ARHGAP28: variants seen among roughly 807,000 people sequenced by gnomAD.
The protein encoded by ARHGAP28 is Rho GTPase activating protein 28, also known as rho GTPase-activating protein 28.
In ARHGAP28, 56 loss-of-function variants were observed where a neutral mutation model predicts 90.7. That is an observed-to-expected ratio of 0.62 (90% CI 0.50 to 0.77). ARHGAP28 has a LOEUF of 0.77. ARHGAP28 is among the 30% of genes least tolerant of loss of function. The probability of loss-of-function intolerance (pLI) is 0.00; values close to 1 mark genes in which losing one functional copy is unlikely to be tolerated. For synonymous variants in ARHGAP28, 308 were observed against 323.3 expected, an observed-to-expected ratio of 0.95 and a Z score of 0.51; for missense variants, 869 against 900.9, an observed-to-expected ratio of 0.96 and a Z score of 0.45.
At chr18:6,743,220 G>A (rs1228305965) in intron 1 of ARHGAP28, among the ~76,000 whole-genome samples, 1 of 152,164 alleles carries the variant, frequency 6.6e-6, no homozygotes, top group Non-Finnish European at 1.5e-5. Flanking sequence ...TTAAAATGCA[G>A]AACTTAAAAA....
chr18:6,743,834 A>G (rs1019350458), intron 1 of ARHGAP28, among the ~76,000 whole-genome samples: 32 of 152,364 alleles, frequency 2.1e-4, no homozygotes, highest in Non-Finnish European at 4.4e-5. Context: ...TCTCTATGCC[A>G]TATGTGATAT....
chr18:6,883,292 T>A (rs1422969799), intron 11 of ARHGAP28, among the ~76,000 whole-genome samples: 1 of 151,304 alleles, frequency 6.6e-6, no homozygotes, highest in Non-Finnish European at 1.5e-5. Flanking sequence ...AGGCTGGAGT[T>A]CAGTGATGCG....
At chr18:6,775,156 A>AT (rs1221281463) in intron 1 of ARHGAP28, among the ~76,000 whole-genome samples, 1 of 152,068 alleles carries the variant, frequency 6.6e-6, no homozygotes, top group African/African-American at 2.4e-5. Context: ...TTTGTCTTCT[A>AT]TTTCATTTTT....
At chr18:6,829,687 C>T (rs2056700496) in intron 2 of ARHGAP28, among the ~76,000 whole-genome samples, 1 of 152,178 alleles carries the variant, frequency 6.6e-6, no homozygotes, top group African/African-American at 2.4e-5. Flanking sequence ...CAACCCTGGC[C>T]AGAGACAACC....
At chr18:6,801,224 G>T (rs919648845) in intron 1 of ARHGAP28, among the ~76,000 whole-genome samples, 1 of 151,988 alleles carries the variant, frequency 6.6e-6, no homozygotes, top group Admixed American at 6.6e-5. Flanking sequence ...AATTTTTTTT[G>T]CATGTGAATT....
intron 1 of ARHGAP28, among the ~76,000 whole-genome samples, chr18:6,782,865 G>A (rs535891335): frequency 4.6e-4 from 70 of 151,736 alleles, no homozygotes; most frequent in African/African-American, 1.6e-3. Flanking sequence ...CTGGCTATTT[G>A]GTCTTGGTGC....
intron 1 of ARHGAP28, among the ~76,000 whole-genome samples, chr18:6,819,760 C>T (rs950294497): frequency 2.0e-5 from 3 of 152,162 alleles, no homozygotes; most frequent in Admixed American, 6.5e-5. Context: ...TATCTCAAAA[C>T]GCTTTTAGCA....
In ARHGAP28 at chr18:6,745,725, G is replaced by C. The variant is rs529039906; in HGVS notation, c.122+15782G>C. Among the ~76,000 whole-genome samples the C allele has an allele frequency of 5.9e-5, 9 of 152,298 alleles. No individual in the cohort carries two copies. The South Asian group carries it at 1.2e-3, about 21-fold the overall frequency. Reference sequence around the variant, plus strand: ...GAAGCCATCACAGCATGTATGATTTGTGTCTGGCTCCTTCGCTCATCATAA... The same window carrying C: ...GAAGCCATCACAGCATGTATGATTTCTGTCTGGCTCCTTCGCTCATCATAA... On this transcript the variant is annotated intron_variant, in intron 1 of 17. Coordinates refer to ENST00000383472, the MANE Select transcript of ARHGAP28 (RefSeq NM_001366230.1).
At chr18:6,856,197 A>C (rs2056952183) in intron 4 of ARHGAP28, among the ~76,000 whole-genome samples, 1 of 152,144 alleles carries the variant, frequency 6.6e-6, no homozygotes, top group Admixed American at 6.5e-5. Flanking sequence ...AGTTTTCTTC[A>C]ACTTTATGCT....
At chr18:6,881,924 C>T (rs2057180990) in intron 10 of ARHGAP28, among the ~76,000 whole-genome samples, 1 of 152,086 alleles carries the variant, frequency 6.6e-6, no homozygotes, top group Admixed American at 6.5e-5. Context: ...TCAAGATCAA[C>T]ATTATTTTTT....
intron 1 of ARHGAP28, among the ~76,000 whole-genome samples, chr18:6,756,848 G>C (rs1435869601): frequency 6.6e-6 from 1 of 152,172 alleles, no homozygotes; most frequent in Non-Finnish European, 1.5e-5. Context: ...CAGCATGGGA[G>C]AAAGATGAAG....
intron 1 of ARHGAP28, among the ~76,000 whole-genome samples, chr18:6,766,444 G>T (rs937368616): frequency 4.6e-5 from 7 of 152,104 alleles, no homozygotes; most frequent in African/African-American, 1.4e-4. Context: ...GGAATACTTA[G>T]CCCACAGCCT....
chr18:6,885,456 G>A (rs1186552775), intron 11 of ARHGAP28, among the ~76,000 whole-genome samples: 2 of 152,062 alleles, frequency 1.3e-5, no homozygotes, highest in South Asian at 2.1e-4. Flanking sequence ...CACTAATGTC[G>A]TTACTTTCTC....
chr18:6,732,859 C>A (rs1016908081), intron 1 of ARHGAP28, among the ~76,000 whole-genome samples: 1 of 152,060 alleles, frequency 6.6e-6, no homozygotes, highest in African/African-American at 2.4e-5. Flanking sequence ...TAGCTGTATC[C>A]CTACGGTTAT....
chr18:6,758,495 C>T (rs9951048), intron 1 of ARHGAP28, among the ~76,000 whole-genome samples: 60,643 of 152,016 alleles, frequency 0.4, 13,009 homozygotes, highest in Middle Eastern at 0.48. Context: ...GGCTAATTTT[C>T]GTAATTTTAG....
intron 1 of ARHGAP28, among the ~76,000 whole-genome samples, chr18:6,777,887 AAC>A (rs1254555706): frequency 6.6e-6 from 1 of 152,108 alleles, no homozygotes. Flanking sequence ...AACACCCAAG[AAC>A]ACCATTGGTT....
intron 1 of ARHGAP28, among the ~76,000 whole-genome samples, chr18:6,792,575 C>G (rs2056414118): frequency 6.6e-6 from 1 of 152,190 alleles, no homozygotes; most frequent in African/African-American, 2.4e-5. Context: ...AGAAAACGCT[C>G]CCACAGCATT....
chr18:6,760,346 C>T (rs2056149161), intron 1 of ARHGAP28, among the ~76,000 whole-genome samples: 1 of 152,034 alleles, frequency 6.6e-6, no homozygotes, highest in African/African-American at 2.4e-5. Context: ...TCCTACAAAC[C>T]AGACTACAAT....
At chr18:6,849,453 G>A (rs143804194) in intron 3 of ARHGAP28, among the ~76,000 whole-genome samples, 104 of 152,202 alleles carry the variant, frequency 6.8e-4, no homozygotes, top group African/African-American at 2.4e-3. Flanking sequence ...AAATGACTAC[G>A]TAGAACAGTA....
Sources: allele counts gnomAD v4.1 joint callset (sites outside exome capture counted in the v4.1 genomes callset), GRCh38; gene constraint gnomAD v4.1.1; transcripts MANE v1.5; gene names NCBI Gene and HGNC (gene_info 2026-07-23, HGNC 2026-07-21).